The following FER variants were observed in gnomAD, a reference collection of about 807,000 sequenced individuals.
The protein encoded by FER is FER tyrosine kinase, also known as tyrosine-protein kinase Fer.
A neutral mutation model predicts 111.0 loss-of-function variants in FER; 63 were observed. That is an observed-to-expected ratio of 0.57 (90% CI 0.46 to 0.70). FER has a LOEUF of 0.70. Among genes scored for constraint, FER ranks in the 30% least tolerant of loss-of-function variants. The probability of loss-of-function intolerance (pLI) is 0.00; values close to 1 mark genes in which losing one functional copy is unlikely to be tolerated. For missense variants in FER, 914 were observed against 954.0 expected, an observed-to-expected ratio of 0.96 and a Z score of 0.55; for synonymous variants, 327 against 313.9, an observed-to-expected ratio of 1.04 and a Z score of -0.44.
chr5:109,185,018 T>C (rs944387986), intron 18 of FER, among the ~76,000 whole-genome samples: 10 of 152,184 alleles, frequency 6.6e-5, no homozygotes, highest in African/African-American at 2.4e-4. Context: ...TGGAGTTTAG[T>C]TATGATAGTA....
chr5:109,105,650 T>C (rs1049967614), intron 17 of FER, among the ~76,000 whole-genome samples: 6 of 152,206 alleles, frequency 3.9e-5, no homozygotes, highest in Non-Finnish European at 5.9e-5. Flanking sequence ...AATTAGTGGC[T>C]GGGCCACTGC....
chr5:108,953,532 TG>T (rs2149650747), intron 11 of FER, among the ~76,000 whole-genome samples: 1 of 152,190 alleles, frequency 6.6e-6, no homozygotes, highest in East Asian at 1.9e-4. Flanking sequence ...TGTTTTGTTT[TG>T]TTCTTTTAAC....
At chr5:108,762,626 G>T (rs1304026616) in intron 1 of FER, among the ~76,000 whole-genome samples, 2 of 152,120 alleles carry the variant, frequency 1.3e-5, no homozygotes, top group East Asian at 1.9e-4. Context: ...CTTCCTTCAT[G>T]CAGGATCTTT....
chr5:108,993,617 A>AGAGGGTG (rs1561737107), intron 13 of FER, among the ~76,000 whole-genome samples: 1 of 104,936 alleles, frequency 9.5e-6, no homozygotes. Context: ...GGGAGAGGGC[A>AGAGGGTG]AGGGCGAGGG....
chr5:108,904,725 C>T (rs1561591906), intron 10 of FER, among the ~76,000 whole-genome samples: 1 of 151,944 alleles, frequency 6.6e-6, no homozygotes, highest in Non-Finnish European at 1.5e-5. Flanking sequence ...AGGTTTTGTT[C>T]AGCTTATATA....
chr5:109,004,490 G>A (rs988116604), intron 13 of FER, among the ~76,000 whole-genome samples: 1 of 152,150 alleles, frequency 6.6e-6, no homozygotes. Flanking sequence ...ACAAGGAGCT[G>A]TAAATGACTA....
intron 16 of FER, among the ~76,000 whole-genome samples, chr5:109,088,544 G>A (rs1156661369): frequency 1.3e-5 from 2 of 151,958 alleles, no homozygotes; most frequent in Non-Finnish European, 2.9e-5. Context: ...TTGGGGTTGA[G>A]GTGAGAAAAG....
intron 10 of FER, among the ~76,000 whole-genome samples, chr5:108,929,254 C>G (rs1013901944): frequency 5.9e-5 from 9 of 152,116 alleles, no homozygotes; most frequent in African/African-American, 1.9e-4. Flanking sequence ...GCCTTAAAGT[C>G]TCTCTTTGCC....
chr5:108,915,756 T>C (rs1283983114), intron 10 of FER, among the ~76,000 whole-genome samples: 1 of 150,220 alleles, frequency 6.7e-6, no homozygotes, highest in Non-Finnish European at 1.5e-5. Flanking sequence ...AAGAAACAGG[T>C]GAGGGAAGGA....
At chr5:108,868,076 T>C (rs1319062871) in intron 6 of FER, 126 bp downstream of exon 6, 1 of 788,782 alleles carries the variant, frequency 1.3e-6, no homozygotes, top group East Asian at 2.8e-5. Context: ...TTTCAGACCT[T>C]GATTCTTCTT....
At chr5:109,110,124 A>G (rs1749425942) in intron 17 of FER, among the ~76,000 whole-genome samples, 1 of 152,136 alleles carries the variant, frequency 6.6e-6, no homozygotes, top group South Asian at 2.1e-4. Context: ...ACCAATACTG[A>G]GTATGTTTTG....
intron 13 of FER, among the ~76,000 whole-genome samples, chr5:108,993,331 G>T (rs527296470): frequency 5.3e-5 from 8 of 152,228 alleles, no homozygotes; most frequent in Non-Finnish European, 1.0e-4. Flanking sequence ...GCGGTTAGGA[G>T]CTAGAGACCA....
At chr5:109,044,305 A>G (rs1771627737) in intron 14 of FER, among the ~76,000 whole-genome samples, 1 of 151,706 alleles carries the variant, frequency 6.6e-6, no homozygotes, top group Non-Finnish European at 1.5e-5. Flanking sequence ...CAGCCTCCCA[A>G]GTAGCTGGGA....
chr5:109,192,191 A>G lies in FER; in HGVS notation c.*4616A>G, dbSNP rs1224644114. Reference sequence around the variant, plus strand: ...ATGAGCATAGGCTTCAGTATATTTAATAAGGTGCTGAGGCAGCAGATTCAA... The same window carrying G: ...ATGAGCATAGGCTTCAGTATATTTAGTAAGGTGCTGAGGCAGCAGATTCAA... On this transcript the variant is annotated 3_prime_UTR_variant, in exon 20 of 20. Transcript: ENST00000281092. The G allele has an allele frequency of 1.3e-5, 2 of 152,226 alleles. No homozygotes were observed. The highest frequency in any genetic ancestry group is 4.8e-5 in the African/African-American group (2 of 41,462). The allele number at this position is 152,226 out of a possible 1,614,324, so 9.4% of individuals were successfully genotyped here.
intron 16 of FER, among the ~76,000 whole-genome samples, chr5:109,056,318 C>A (rs544681691): frequency 6.6e-6 from 1 of 152,086 alleles, no homozygotes; most frequent in Non-Finnish European, 1.5e-5. Flanking sequence ...CGGAAAAAAA[C>A]TAAATGTTTG....
At chr5:108,985,761 A>G (rs1272137104) in intron 13 of FER, among the ~76,000 whole-genome samples, 6 of 152,170 alleles carry the variant, frequency 3.9e-5, no homozygotes, top group African/African-American at 1.2e-4. Context: ...TGCAAATGCC[A>G]TTATTTTATT....
At chr5:108,751,758 C>T (rs1452885044) in intron 1 of FER, among the ~76,000 whole-genome samples, 1 of 152,068 alleles carries the variant, frequency 6.6e-6, no homozygotes, top group Non-Finnish European at 1.5e-5. Context: ...CGATAGGACT[C>T]AACGATCTTG....
intron 13 of FER, chr5:109,014,716 A>G (rs1766804687): frequency 1.3e-5 from 2 of 152,210 alleles, no homozygotes; most frequent in Admixed American, 6.5e-5. Context: ...ACCCATGAAC[A>G]TGGAATATTC....
intron 11 of FER, among the ~76,000 whole-genome samples, chr5:108,948,362 TA>T: frequency 6.6e-6 from 1 of 152,248 alleles, no homozygotes; most frequent in African/African-American, 2.4e-5. Context: ...AGATGTTTAA[TA>T]TTTTTTGTTA....
Sources: allele counts gnomAD v4.1 joint callset (sites outside exome capture counted in the v4.1 genomes callset), GRCh38; gene constraint gnomAD v4.1.1; transcripts MANE v1.5; gene names NCBI Gene and HGNC (gene_info 2026-07-23, HGNC 2026-07-21).